DSCAM: variants seen among roughly 807,000 people sequenced by gnomAD.
DSCAM encodes the protein cell adhesion molecule DSCAM.
Under a neutral mutation model 217.7 loss-of-function variants are expected in DSCAM, and 47 were observed. The observed-to-expected ratio is 0.22, with a 90% CI of 0.17 to 0.28. DSCAM has a LOEUF of 0.28. Ranked by LOEUF, DSCAM falls within the 10% of genes least tolerant of loss-of-function variation. The probability of loss-of-function intolerance (pLI) is 1.00; values close to 1 mark genes in which losing one functional copy is unlikely to be tolerated. For synonymous variants in DSCAM, 1,056 were observed against 1,015.3 expected, an observed-to-expected ratio of 1.04 and a Z score of -0.76; for missense variants, 2,080 against 2,618.3, an observed-to-expected ratio of 0.79 and a Z score of 4.49.
chr21:40,550,452 G>C (rs371390344), intron 3 of DSCAM, among the ~76,000 whole-genome samples: 7 of 152,124 alleles, frequency 4.6e-5, no homozygotes, highest in African/African-American at 1.4e-4. Flanking sequence ...TGGAACCTGG[G>C]AGGCAGGGGC....
chr21:40,501,884 G>A (rs1402156843), intron 3 of DSCAM, among the ~76,000 whole-genome samples: 1 of 152,186 alleles, frequency 6.6e-6, no homozygotes, highest in Non-Finnish European at 1.5e-5. Flanking sequence ...GTGAGCCACA[G>A]CGCCGGCTAA....
intron 1 of DSCAM, among the ~76,000 whole-genome samples, chr21:40,780,415 G>GTATATATATATATATATA (rs1392958197): frequency 4.5e-5 from 2 of 44,188 alleles, no homozygotes; most frequent in Non-Finnish European, 7.3e-5. Context: ...GTGTGTGTGT[G>GTATATATATATATATATA]TGTGTGTGTA....
intron 1 of DSCAM, among the ~76,000 whole-genome samples, chr21:40,723,432 C>G (rs1332092449): frequency 6.6e-6 from 1 of 152,114 alleles, no homozygotes; most frequent in African/African-American, 2.4e-5. Flanking sequence ...TACTAGACAC[C>G]GTGTCCTACC....
chr21:40,087,324 A>T, intron 21 of DSCAM, 37 bp from the exon 22 acceptor site: 2 of 1,531,106 alleles, frequency 1.3e-6, no homozygotes, highest in Non-Finnish European at 1.8e-6. Flanking sequence ...TGATTACTCC[A>T]CAGACGTGTC....
chr21:40,360,921 C>A (rs1245190638), intron 4 of DSCAM, among the ~76,000 whole-genome samples: 1 of 152,160 alleles, frequency 6.6e-6, no homozygotes, highest in Non-Finnish European at 1.5e-5. Context: ...GACTAAGTTA[C>A]TTTACCACCA....
intron 20 of DSCAM, among the ~76,000 whole-genome samples, chr21:40,097,954 A>AAAAAGAAAG (rs1555877400): frequency 2.5e-4 from 13 of 51,516 alleles, no homozygotes; most frequent in Non-Finnish European, 3.9e-4. Flanking sequence ...AAAAAAAAAA[A>AAAAAGAAAG]AAAGAAAGAA....
At chr21:40,468,142 C>T (rs1601666572) in intron 3 of DSCAM, among the ~76,000 whole-genome samples, 1 of 152,132 alleles carries the variant, frequency 6.6e-6, no homozygotes, top group Non-Finnish European at 1.5e-5. Context: ...TGATTTGCTT[C>T]CTCTGCCCTA....
chr21:40,399,462 G>A (rs1451398903), intron 3 of DSCAM, among the ~76,000 whole-genome samples: 1 of 152,180 alleles, frequency 6.6e-6, no homozygotes, highest in African/African-American at 2.4e-5. Flanking sequence ...TTAAACTGGA[G>A]AGCCTGGATT....
intron 3 of DSCAM, among the ~76,000 whole-genome samples, chr21:40,590,940 T>C (rs910215910): frequency 1.3e-5 from 2 of 151,706 alleles, no homozygotes; most frequent in Middle Eastern, 3.2e-3. Flanking sequence ...CTTATTGATA[T>C]GGTTTGGCCG....
chr21:40,427,297 C>T (rs925301421), intron 3 of DSCAM, among the ~76,000 whole-genome samples: 18 of 152,040 alleles, frequency 1.2e-4, no homozygotes, highest in Non-Finnish European at 7.4e-5. Context: ...GGCATGAACC[C>T]GTGTATCCCA....
intron 3 of DSCAM, among the ~76,000 whole-genome samples, chr21:40,507,463 G>T (rs1310813320): frequency 6.6e-6 from 1 of 152,006 alleles, no homozygotes; most frequent in Admixed American, 6.6e-5. Flanking sequence ...GGCAAATCAC[G>T]TACTCTAATG....
intron 4 of DSCAM, among the ~76,000 whole-genome samples, chr21:40,360,021 C>T (rs76853948): frequency 0.028 from 4,111 of 148,792 alleles, 68 homozygotes; most frequent in Middle Eastern, 0.049. Context: ...TAGATATAGG[C>T]GGTATATGTG....
intron 3 of DSCAM, among the ~76,000 whole-genome samples, chr21:40,376,980 T>C (rs2123718377): frequency 6.6e-6 from 1 of 152,216 alleles, no homozygotes; most frequent in South Asian, 2.1e-4. Flanking sequence ...TCACTGCAGA[T>C]GTAATATCTT....
intron 1 of DSCAM, among the ~76,000 whole-genome samples, chr21:40,730,922 A>G (rs2091004979): frequency 6.6e-6 from 1 of 152,240 alleles, no homozygotes; most frequent in Admixed American, 6.5e-5. Context: ...TAGCCCATAG[A>G]AAGTAAACCT....
rs1455469612 is a variant in DSCAM at position 40,012,974 on chromosome 21, G to A, written c.*60C>T. ...AAATATTGGAATTCCGTAAAAAAAA[G>A]GTAGCTTTGATTGAATTGTTTGAAT... is the stretch of plus-strand genomic sequence containing the variant. On this transcript the variant is annotated 3_prime_UTR_variant, in exon 33 of 33. Coordinates refer to ENST00000400454, the MANE Select transcript of DSCAM (RefSeq NM_001389.5). 13 of 1,202,418 alleles carry A rather than the reference G, an allele frequency of 1.1e-5. No individual in the cohort carries two copies. The highest frequency in any genetic ancestry group is 8.6e-5 in the East Asian group (3 of 35,054). The allele number at this position is 1,202,418 out of a possible 1,614,324, so 74.5% of individuals were successfully genotyped here.
At chr21:40,835,557 G>A (rs1325954876) in intron 1 of DSCAM, among the ~76,000 whole-genome samples, 2 of 152,078 alleles carry the variant, frequency 1.3e-5, no homozygotes, top group Non-Finnish European at 1.5e-5. Flanking sequence ...TCCTTCTAAA[G>A]CTAAATTTCA....
intron 1 of DSCAM, among the ~76,000 whole-genome samples, chr21:40,733,246 G>A (rs1157143122): frequency 6.6e-6 from 1 of 152,210 alleles, no homozygotes; most frequent in Non-Finnish European, 1.5e-5. Flanking sequence ...CCAGGAGCTT[G>A]GAAAGAACAG....
chr21:40,179,098 T>C lies in DSCAM; in HGVS notation c.2780-4A>G, dbSNP rs2090767845. On this transcript the variant is annotated splice_region_variant and splice_polypyrimidine_tract_variant and intron_variant, in intron 14 of 32. Coordinates refer to ENST00000400454, the MANE Select transcript of DSCAM (RefSeq NM_001389.5). ...CTCTGAGCAGAATCCCAGGAGTCTTTTGGGTTTTGTTTTTCAAAAAAGAAG... is the reference window on the plus strand; with the variant it reads ...CTCTGAGCAGAATCCCAGGAGTCTTCTGGGTTTTGTTTTTCAAAAAAGAAG... The C allele has an allele frequency of 1.2e-6, 2 of 1,610,880 alleles. No homozygotes were observed. Among genetic ancestry groups the C allele is most frequent in the Non-Finnish European group, 1.7e-6 (2 of 1,178,738 alleles).
At chr21:40,686,670 A>C (rs555747001) in intron 3 of DSCAM, among the ~76,000 whole-genome samples, 1 of 152,206 alleles carries the variant, frequency 6.6e-6, no homozygotes, top group Admixed American at 6.5e-5. Flanking sequence ...GAATGGGTGC[A>C]GGTCTCCTCC....
Sources: allele counts gnomAD v4.1 joint callset (sites outside exome capture counted in the v4.1 genomes callset), GRCh38; gene constraint gnomAD v4.1.1; transcripts MANE v1.5; gene names NCBI Gene and HGNC (gene_info 2026-07-23, HGNC 2026-07-21).